PTPN14: variants seen among roughly 807,000 people sequenced by gnomAD.
PTPN14 encodes tyrosine-protein phosphatase non-receptor type 14.
A neutral mutation model predicts 126.8 loss-of-function variants in PTPN14; 53 were observed. The observed-to-expected ratio is 0.42, with a 90% CI of 0.34 to 0.53. PTPN14 has a LOEUF of 0.53. Among genes scored for constraint, PTPN14 ranks in the 20% least tolerant of loss-of-function variants. The pLI, the probability that PTPN14 is intolerant of heterozygous loss-of-function variation, is 0.08. For synonymous variants in PTPN14, 630 were observed against 599.3 expected, an observed-to-expected ratio of 1.05 and a Z score of -0.75; for missense variants, 1,257 against 1,552.9, an observed-to-expected ratio of 0.81 and a Z score of 3.20.
intron 2 of PTPN14, among the ~76,000 whole-genome samples, chr1:214,455,097 T>C (rs1053415956): frequency 1.3e-5 from 2 of 152,132 alleles, no homozygotes; most frequent in Non-Finnish European, 2.9e-5. Flanking sequence ...CACATGTTTA[T>C]TCTCCCACGT....
Position 214,449,011 on chromosome 1 carries a change from C to CTTTTTTTTTTTTTTTTTTTTT in PTPN14, c.344+2793_344+2794insAAAAAAAAAAAAAAAAAAAAA, listed in dbSNP as rs71165970. Among the ~76,000 whole-genome samples the CTTTTTTTTTTTTTTTTTTTTT allele has an allele frequency of 2.5e-4, 28 of 112,464 alleles. 5 individuals are homozygous for CTTTTTTTTTTTTTTTTTTTTT. The highest frequency in any genetic ancestry group is 5.0e-4 in the Admixed American group (5 of 10,002). 73.8% of individuals were successfully genotyped at this position (112,464 alleles called of 152,430 possible). The stretch of plus-strand genomic sequence containing the variant: ...TGTGCCCTTGTAAGACTTAATTTTT[C>CTTTTTTTTTTTTTTTTTTTTT]TTTTTTTTTTTTTGAGACGGAGTCT... On this transcript the variant is annotated intron_variant, in intron 3 of 18. Coordinates refer to ENST00000366956, the MANE Select transcript of PTPN14 (RefSeq NM_005401.5).
chr1:214,401,083 C>G (rs1659004067), intron 7 of PTPN14, among the ~76,000 whole-genome samples: 1 of 152,074 alleles, frequency 6.6e-6, no homozygotes. Flanking sequence ...GGGCTCAGCT[C>G]TATAAATGAC....
rs773895428 is a variant in PTPN14, at chr1:214,384,500, A to G, written c.1355T>C (p.Met452Thr). 1 of 1,613,928 alleles carries G rather than the reference A, an allele frequency of 6.2e-7. No homozygotes were observed. The highest frequency in any genetic ancestry group is 8.5e-7 in the Non-Finnish European group (1 of 1,180,006). ...GTCTGTATGCAGGATCCCCCTCTTC[A>G]TCTGGCGCATGACTGTCTCATAATC... ...TPDYETVMRQMKRGILHTDSQ... is the reference protein window; with the variant it reads ...TPDYETVMRQTKRGILHTDSQ... Residue 452 changes from methionine to threonine, a missense_variant, in exon 13 of 19, where the codon ATG becomes ACG. Met to Thr is a moderately conservative substitution (Grantham distance 81, BLOSUM62 -1). This residue lies in a region of PTPN14 where 1,021 missense variants were observed against 1,183.3 expected (regional missense o/e 0.86). Transcript: ENST00000366956. This position sits in a 1 kb window ranked among gnomAD's most constrained non-coding sequence, Gnocchi z 5.3.
intron 1 of PTPN14, among the ~76,000 whole-genome samples, chr1:214,513,939 CCAGCAG>C (rs377471334): frequency 1.3e-5 from 2 of 151,758 alleles, no homozygotes; most frequent in Admixed American, 6.6e-5. Context: ...ATCATTAGAA[CCAGCAG>C]CAGCAGCAGC....
rs1455345996 is a variant in PTPN14 at position 214,384,651 on chromosome 1, T to C, written c.1204A>G (p.Ser402Gly). 2 of 1,614,126 alleles carry C rather than the reference T, an allele frequency of 1.2e-6. No individual in the cohort carries two copies. The highest frequency in any genetic ancestry group is 3.3e-5 in the Admixed American group (2 of 60,010). The change falls in exon 13 of 19, where the codon AGT (serine) becomes GGT (glycine). Residue 402 changes from serine to glycine, a missense_variant. Coordinates refer to ENST00000366956, the MANE Select transcript of PTPN14 (RefSeq NM_005401.5). This position sits in a 1 kb window ranked among gnomAD's most constrained non-coding sequence, Gnocchi z 5.3. ...HSVNSLNCSQ[S>G]FIQASPVSSN... is the part of the protein sequence containing the mutation. ...GATACAGGGGAGGCCTGGATGAAAC[T>C]TTGCGAGCAGTTGAGGGAGTTGACG... is the stretch of plus-strand genomic sequence containing the variant.
At chr1:214,543,800 G>A (rs968835416) in intron 1 of PTPN14, among the ~76,000 whole-genome samples, 20 of 152,080 alleles carry the variant, frequency 1.3e-4, no homozygotes. Context: ...TGTACTTTTA[G>A]TAGAGACGGG....
chr1:214,492,106 T>G (rs968668438), intron 1 of PTPN14, among the ~76,000 whole-genome samples: 3 of 152,060 alleles, frequency 2.0e-5, no homozygotes, highest in African/African-American at 7.2e-5. Flanking sequence ...GATTTTATTT[T>G]AAAATATGAT....
intron 1 of PTPN14, among the ~76,000 whole-genome samples, chr1:214,544,765 A>G (rs190652244): frequency 6.6e-6 from 1 of 152,210 alleles, no homozygotes; most frequent in East Asian, 1.9e-4. Flanking sequence ...CGAGAAAGAA[A>G]AAAAAGAAGG....
chr1:214,357,949 C>T lies in PTPN14; in HGVS notation c.3537G>A (p.Gln1179=), dbSNP rs1657863265. The part of the protein sequence containing the change: ...QYKFVYQVLI[Q]FLQNSRLI The stretch of plus-strand genomic sequence containing the variant: ...AAATGAGTCTGGAGTTTTGGAGGAA[C>T]TGGATGAGGACTTGGTAGACAAACT... Residue 1179 remains glutamine (Q), a synonymous_variant, in exon 19 of 19, where the codon CAG becomes CAA. Transcript: ENST00000366956. 1 of 1,613,008 alleles carries T rather than the reference C, an allele frequency of 6.2e-7. No homozygotes were observed. Among genetic ancestry groups the T allele is most frequent in the African/African-American group, 1.3e-5 (1 of 74,870 alleles).
intron 1 of PTPN14, among the ~76,000 whole-genome samples, chr1:214,536,583 G>A (rs1198651111): frequency 6.6e-6 from 1 of 151,794 alleles, no homozygotes; most frequent in East Asian, 1.9e-4. Flanking sequence ...CCAAGAGTTC[G>A]AGACCAGCTT....
chr1:214,523,356 C>A (rs192127731), intron 1 of PTPN14, among the ~76,000 whole-genome samples: 2 of 152,284 alleles, frequency 1.3e-5, no homozygotes, highest in South Asian at 4.2e-4. Flanking sequence ...GGACCACATA[C>A]ACGACAGTAG....
intron 3 of PTPN14, among the ~76,000 whole-genome samples, chr1:214,448,699 T>C (rs572766657): frequency 3.0e-4 from 45 of 152,320 alleles, no homozygotes; most frequent in African/African-American, 1.0e-3. Flanking sequence ...ACCACTGATC[T>C]ATTCCAACAT....
intron 15 of PTPN14, 34 bp from the exon 16 acceptor site, chr1:214,372,873 C>G: frequency 1.2e-6 from 2 of 1,611,470 alleles, no homozygotes; most frequent in Non-Finnish European, 1.7e-6. Context: ...TAAATAAACC[C>G]CAAGTCCGGA....
chr1:214,459,118 G>C (rs553360093), intron 2 of PTPN14, among the ~76,000 whole-genome samples: 2 of 149,542 alleles, frequency 1.3e-5, no homozygotes, highest in South Asian at 2.1e-4. Flanking sequence ...TGGCATCTCT[G>C]TTCCTCGCCT....
At chr1:214,439,093 T>C (rs1229193750) in intron 3 of PTPN14, among the ~76,000 whole-genome samples, 2 of 151,980 alleles carry the variant, frequency 1.3e-5, no homozygotes, top group East Asian at 3.9e-4. Flanking sequence ...CTTTGTAGTG[T>C]TTTTTTTATT....
rs57429060 is a variant in PTPN14 at position 214,364,766 on chromosome 1, AGTGTGTGT to A, written c.3272-99_3272-92del. 0.022 allele frequency: 13,113 copies of A among 591,148 alleles called. 180 individuals are homozygous for A. The highest frequency in any genetic ancestry group is 0.085 in the African/African-American group (3,820 of 44,912). The allele number at this position is 591,148 out of a possible 1,614,324, so 36.6% of individuals were successfully genotyped here. On this transcript the variant is annotated intron_variant, in intron 17 of 18. Transcript: ENST00000366956. The surrounding 1 kb of genome is among the most constrained non-coding windows in gnomAD (Gnocchi z 4.1). ...GGGGAGCGGAAGAGAACTGATGGTG[AGTGTGTGT>A]GTGTGTGTGTGTGTGTGTGTGTGTG...
Position 214,364,648 on chromosome 1 carries a change from C to G in PTPN14, c.3299G>C (p.Arg1100Pro). 2 of 1,613,772 alleles carry G rather than the reference C, an allele frequency of 1.2e-6. No homozygotes were observed. ...TTCCAGCATGCTGTTGGTATGGCGA[C>G]GGACCGACTGGATCTCCTCCAAGTA... The part of the protein sequence containing the change: ...LSYLEEIQSV[R>P]RHTNSMLEGT... The change falls in exon 18 of 19, where the codon CGT becomes CCT. Residue 1100 changes from arginine to proline, a missense_variant. Around this residue, in one of 3 missense-constraint regions of PTPN14, gnomAD observed 171 missense variants for 229.8 expected, o/e 0.74. Transcript: ENST00000366956. The surrounding 1 kb of genome is among the most constrained non-coding windows in gnomAD (Gnocchi z 4.1).
At chr1:214,388,384 T>C (rs1326451488) in intron 11 of PTPN14, among the ~76,000 whole-genome samples, 1 of 152,064 alleles carries the variant, frequency 6.6e-6, no homozygotes, top group Non-Finnish European at 1.5e-5. Context: ...CCGAACAGGA[T>C]AATCTCTCAT....
chr1:214,401,577 A>C, intron 7 of PTPN14, 108 bp downstream of exon 7: 1 of 932,184 alleles, frequency 1.1e-6, no homozygotes, highest in South Asian at 1.9e-5. Flanking sequence ...AAGGCTGCAT[A>C]GCAAAAAGAA....
Sources: gnomAD v4.1 joint callset for allele counts (sites outside exome capture counted in the v4.1 genomes callset) on GRCh38, gnomAD v4.1.1 for gene constraint, gnomAD v4.1.1 regional missense constraint, Gnocchi (gnomAD v3.1) non-coding constraint, MANE v1.5 for transcripts, NCBI Gene and HGNC (gene_info 2026-07-23, HGNC 2026-07-21) for gene names.